Variants in ZNF407 observed in about 807,000 individuals in gnomAD.
ZNF407 encodes the protein zinc finger protein 407.
Under a neutral mutation model 131.2 loss-of-function variants are expected in ZNF407, and 17 were observed. That is an observed-to-expected ratio of 0.13 (90% confidence interval 0.09 to 0.19). The LOEUF is 0.19. ZNF407 is among the 10% of genes least tolerant of loss of function. The pLI, the probability that ZNF407 is intolerant of heterozygous loss-of-function variation, is 1.00. For synonymous variants in ZNF407, 1,156 were observed against 1,062.0 expected (o/e 1.09, Z -1.72); for missense variants, 2,681 against 2,830.6 (o/e 0.95, Z 1.20).
At chr18:75,008,887 AGTTC>A (rs1366460979) in intron 8 of ZNF407, among the ~76,000 whole-genome samples, 3 of 152,210 alleles carry the variant, frequency 2.0e-5, no homozygotes, top group Non-Finnish European at 4.4e-5. Context: ...TCTAGTGAAT[AGTTC>A]ATACTTTGAA....
intron 8 of ZNF407, among the ~76,000 whole-genome samples, chr18:74,967,267 A>G (rs1050288439): frequency 3.9e-5 from 6 of 152,200 alleles, no homozygotes; most frequent in Admixed American, 1.3e-4. Flanking sequence ...AGAAAGACGG[A>G]TTTGTTTTAA....
At chr18:74,968,156 C>G (rs1568285950) in intron 8 of ZNF407, among the ~76,000 whole-genome samples, 1 of 151,992 alleles carries the variant, frequency 6.6e-6, no homozygotes, top group Non-Finnish European at 1.5e-5. Flanking sequence ...TGGAGTATGT[C>G]TCTTTGTATA....
chr18:74,931,373 C>G (rs558392410), intron 8 of ZNF407, among the ~76,000 whole-genome samples: 56 of 152,154 alleles, frequency 3.7e-4, no homozygotes, highest in Non-Finnish European at 5.9e-4. Context: ...AGGCAAATAA[C>G]CTATTTTAAA....
intron 4 of ZNF407, among the ~76,000 whole-genome samples, chr18:74,819,951 CA>C (rs1445247166): frequency 6.6e-6 from 1 of 152,128 alleles, no homozygotes; most frequent in Non-Finnish European, 1.5e-5. Flanking sequence ...TGGCCTGTAG[CA>C]GGGCTCCATA....
At chr18:74,603,471 A>G (rs1189245627) in intron 1 of ZNF407, among the ~76,000 whole-genome samples, 3 of 152,232 alleles carry the variant, frequency 2.0e-5, no homozygotes, top group Non-Finnish European at 4.4e-5. Flanking sequence ...AGCAAAGCAA[A>G]TGACAACAGT....
chr18:75,041,753 G>A (rs1973376525), intron 8 of ZNF407, among the ~76,000 whole-genome samples: 1 of 152,168 alleles, frequency 6.6e-6, no homozygotes, highest in Admixed American at 6.5e-5. Context: ...GCCACCTAGT[G>A]GACGATCAGC....
intron 1 of ZNF407, chr18:74,598,167 G>C (rs1416900623): frequency 6.8e-6 from 1 of 147,928 alleles, no homozygotes; most frequent in Non-Finnish European, 1.5e-5. Flanking sequence ...ACCCTCGCTC[G>C]TTCGCTCACG....
intron 8 of ZNF407, among the ~76,000 whole-genome samples, chr18:75,017,134 T>C (rs1973054080): frequency 6.6e-6 from 1 of 152,148 alleles, no homozygotes; most frequent in African/African-American, 2.4e-5. Context: ...TAGTTTTGTC[T>C]GAGATCTCAG....
rs1455117700 is a variant in ZNF407 at position 74,769,885 on chromosome 18, A to T, written c.4803-11543A>T. Among the ~76,000 whole-genome samples, 3 of 152,348 alleles carry T rather than the reference A, an allele frequency of 2.0e-5. No homozygotes were observed. In the East Asian group the frequency reaches 5.8e-4, roughly 29 times the overall value. On this transcript the variant is annotated intron_variant, in intron 3 of 8. Coordinates refer to ENST00000299687, the MANE Select transcript of ZNF407 (RefSeq NM_017757.3). ...AATAATGCAGCAGACACCTGAAACT[A>T]GGCCTATACCTGACTGAAGTTTATA...
At chr18:74,864,745 G>T (rs1365303262) in intron 4 of ZNF407, among the ~76,000 whole-genome samples, 1 of 152,158 alleles carries the variant, frequency 6.6e-6, no homozygotes, top group Non-Finnish European at 1.5e-5. Context: ...TGTTTATGAG[G>T]CAGTGTTGTA....
chr18:75,000,689 TTC>T (rs1454210940), intron 8 of ZNF407, among the ~76,000 whole-genome samples: 1 of 152,248 alleles, frequency 6.6e-6, no homozygotes, highest in African/African-American at 2.4e-5. Context: ...TACTCTTTTT[TTC>T]TGCATCATTT....
intron 3 of ZNF407, among the ~76,000 whole-genome samples, chr18:74,735,845 A>G (rs963814062): frequency 5.9e-5 from 9 of 152,248 alleles, no homozygotes; most frequent in African/African-American, 2.2e-4. Context: ...TTTTGAAAAC[A>G]ATAACAGAAA....
chr18:74,994,822 G>A (rs1049211190), intron 8 of ZNF407, among the ~76,000 whole-genome samples: 1 of 152,184 alleles, frequency 6.6e-6, no homozygotes, highest in Non-Finnish European at 1.5e-5. Context: ...GCACAGTGTG[G>A]ACAGAATTCT....
intron 3 of ZNF407, among the ~76,000 whole-genome samples, chr18:74,674,083 C>T (rs957593036): frequency 9.9e-5 from 15 of 152,150 alleles, no homozygotes; most frequent in African/African-American, 3.1e-4. Flanking sequence ...TTTGATGCTT[C>T]GTCTCATTAA....
chr18:74,951,376 AGTCAACATT>A (rs1972212199), intron 8 of ZNF407, among the ~76,000 whole-genome samples: 1 of 152,218 alleles, frequency 6.6e-6, no homozygotes, highest in African/African-American at 2.4e-5. Flanking sequence ...TGACTCATTA[AGTCAACATT>A]GTCCCTCTGT....
chr18:74,839,320 C>T (rs1209272424), intron 4 of ZNF407, among the ~76,000 whole-genome samples: 3 of 152,224 alleles, frequency 2.0e-5, no homozygotes, highest in African/African-American at 4.8e-5. Context: ...GGTACATACA[C>T]ACACACTGGA....
At chr18:74,885,517 GA>G (rs1312789647) in intron 6 of ZNF407, among the ~76,000 whole-genome samples, 1 of 152,152 alleles carries the variant, frequency 6.6e-6, no homozygotes, top group East Asian at 1.9e-4. Context: ...TCAAAGGCTT[GA>G]AATAAGTCAC....
At chr18:75,037,423 T>C (rs372511241) in intron 8 of ZNF407, among the ~76,000 whole-genome samples, 6 of 151,742 alleles carry the variant, frequency 4.0e-5, no homozygotes, top group South Asian at 2.1e-4. Context: ...GGGGGAAAGA[T>C]GAAGAAAAAA....
intron 8 of ZNF407, among the ~76,000 whole-genome samples, chr18:75,051,816 G>A (rs1022981906): frequency 3.9e-5 from 6 of 152,174 alleles, no homozygotes; most frequent in African/African-American, 9.7e-5. Flanking sequence ...AGACATGTCC[G>A]AGGGGCTTTT....
Sources: gnomAD v4.1 joint callset for allele counts (sites outside exome capture counted in the v4.1 genomes callset) on GRCh38, gnomAD v4.1.1 for gene constraint, MANE v1.5 for transcripts, NCBI Gene and HGNC (gene_info 2026-07-23, HGNC 2026-07-21) for gene names.